SSH2: variants seen among roughly 807,000 people sequenced by gnomAD.
The protein encoded by SSH2 is protein phosphatase Slingshot homolog 2.
In SSH2, 37 loss-of-function variants were observed where a neutral mutation model predicts 135.2. The observed-to-expected ratio is 0.27, with a 90% CI of 0.21 to 0.36. The LOEUF is 0.36. SSH2 is among the 10% of genes least tolerant of loss of function. The probability of loss-of-function intolerance (pLI) is 1.00; values close to 1 mark genes in which losing one functional copy is unlikely to be tolerated. For synonymous variants in SSH2, 628 were observed against 646.2 expected, an observed-to-expected ratio of 0.97 and a Z score of 0.43; for missense variants, 1,408 against 1,765.3, an observed-to-expected ratio of 0.80 and a Z score of 3.63.
intron 1 of SSH2, among the ~76,000 whole-genome samples, chr17:29,919,932 G>A (rs957116876): frequency 6.6e-5 from 10 of 152,006 alleles, no homozygotes; most frequent in African/African-American, 1.5e-4. Context: ...TTTCTGAGAC[G>A]GAGTTTCCCT....
chr17:29,733,090 A>G (rs1380507044), intron 3 of SSH2, among the ~76,000 whole-genome samples: 1 of 152,232 alleles, frequency 6.6e-6, no homozygotes, highest in Non-Finnish European at 1.5e-5. Context: ...TCTAGCTGGG[A>G]AGAGTCTTCC....
At chr17:29,784,466 G>C (rs960526962) in intron 3 of SSH2, among the ~76,000 whole-genome samples, 6 of 151,676 alleles carry the variant, frequency 4.0e-5, no homozygotes, top group African/African-American at 2.4e-5. Flanking sequence ...GTGTGGTGAC[G>C]GGTGCCTGTA....
chr17:29,671,367 C>T (rs3098950), intron 9 of SSH2, among the ~76,000 whole-genome samples: 84,928 of 151,816 alleles, frequency 0.56, 24,172 homozygotes, highest in East Asian at 0.68. Context: ...CCTGTAGTCC[C>T]AGGTACTTTG....
chr17:29,771,796 G>A (rs970004694), intron 3 of SSH2, among the ~76,000 whole-genome samples: 3 of 152,184 alleles, frequency 2.0e-5, no homozygotes, highest in African/African-American at 7.2e-5. Context: ...CAAGTTTCCA[G>A]GCCCTGGCAG....
At chr17:29,645,288 A>G (rs2036326273) in intron 14 of SSH2, 1 of 152,190 alleles carries the variant, frequency 6.6e-6, no homozygotes, top group Admixed American at 6.5e-5. Context: ...CAGGAATGGA[A>G]ACCAGATCTA....
chr17:29,791,300 G>A (rs1283594390), intron 3 of SSH2, among the ~76,000 whole-genome samples: 1 of 151,970 alleles, frequency 6.6e-6, no homozygotes, highest in Non-Finnish European at 1.5e-5. Context: ...TGGCCAGGTT[G>A]CTCTTGAACT....
intron 3 of SSH2, among the ~76,000 whole-genome samples, chr17:29,745,818 A>T (rs2040740870): frequency 8.9e-6 from 1 of 112,686 alleles, no homozygotes; most frequent in Admixed American, 8.4e-5. Flanking sequence ...GTTCCATTTT[A>T]CTGATGAGGA....
At chr17:29,793,777 T>C (rs185923267) in intron 3 of SSH2, 117 bp downstream of exon 3, 160 of 852,884 alleles carry the variant, frequency 1.9e-4, no homozygotes, top group Admixed American at 6.1e-4. Context: ...AGGAAGCACG[T>C]TGAAAAACAA....
intron 3 of SSH2, among the ~76,000 whole-genome samples, chr17:29,753,810 G>T (rs1203990375): frequency 7.8e-6 from 1 of 127,670 alleles, no homozygotes; most frequent in Non-Finnish European, 1.7e-5. Context: ...AAAAAAAAAA[G>T]AACAAATTGG....
At chr17:29,687,348 C>T (rs996661151) in intron 5 of SSH2, among the ~76,000 whole-genome samples, 1 of 152,100 alleles carries the variant, frequency 6.6e-6, no homozygotes, top group African/African-American at 2.4e-5. Flanking sequence ...CTAATAAGAA[C>T]GGATATAACA....
At chr17:29,703,227 C>T (rs2039060010) in intron 3 of SSH2, among the ~76,000 whole-genome samples, 165 bp from the exon 4 acceptor site, 1 of 152,160 alleles carries the variant, frequency 6.6e-6, no homozygotes, top group Non-Finnish European at 1.5e-5. Flanking sequence ...CTCATACGCT[C>T]CTGTCTACTC....
intron 1 of SSH2, among the ~76,000 whole-genome samples, chr17:29,849,354 C>T (rs2065505480): frequency 6.6e-6 from 1 of 151,968 alleles, no homozygotes; most frequent in African/African-American, 2.4e-5. Context: ...TGGCCGGTGC[C>T]TGTAGTCCCA....
At chr17:29,813,714 A>T (rs553453352) in intron 2 of SSH2, among the ~76,000 whole-genome samples, 3 of 152,012 alleles carry the variant, frequency 2.0e-5, no homozygotes, top group African/African-American at 7.2e-5. Flanking sequence ...GCTACTTGGG[A>T]GGCTGAGGCA....
At chr17:29,748,546 T>C (rs1369947663) in intron 3 of SSH2, among the ~76,000 whole-genome samples, 1 of 152,116 alleles carries the variant, frequency 6.6e-6, no homozygotes, top group Admixed American at 6.5e-5. Flanking sequence ...CCTTAAACCA[T>C]AAATGAATGC....
At chr17:29,786,402 G>C (rs1238115614) in intron 3 of SSH2, among the ~76,000 whole-genome samples, 1 of 152,176 alleles carries the variant, frequency 6.6e-6, no homozygotes, top group East Asian at 1.9e-4. Flanking sequence ...GAAGGAACCA[G>C]CAGGAATTCT....
At chr17:29,679,697 C>A (rs187016169) in intron 6 of SSH2, among the ~76,000 whole-genome samples, 1 of 152,178 alleles carries the variant, frequency 6.6e-6, no homozygotes, top group Non-Finnish European at 1.5e-5. Context: ...TGAGCCACCG[C>A]GCCCAGCAAC....
intron 3 of SSH2, among the ~76,000 whole-genome samples, chr17:29,704,114 T>A (rs891920816): frequency 6.6e-6 from 1 of 152,188 alleles, no homozygotes; most frequent in Non-Finnish European, 1.5e-5. Context: ...TATTAGTTAT[T>A]ATAAGTAGAT....
chr17:29,842,973 T>A (rs983649875), intron 2 of SSH2, among the ~76,000 whole-genome samples: 4 of 152,160 alleles, frequency 2.6e-5, no homozygotes, highest in African/African-American at 9.7e-5. Context: ...AAATTTCCCT[T>A]TTTCCCCCCT....
chr17:29,890,231 C>T (rs1770683223), intron 1 of SSH2, among the ~76,000 whole-genome samples: 1 of 152,094 alleles, frequency 6.6e-6, no homozygotes, highest in African/African-American at 2.4e-5. Flanking sequence ...TAAAATGGTG[C>T]AGCTGCTGTG....
Sources: gnomAD v4.1 joint callset for allele counts (sites outside exome capture counted in the v4.1 genomes callset) on GRCh38, gnomAD v4.1.1 for gene constraint, MANE v1.5 for transcripts, NCBI Gene and HGNC (gene_info 2026-07-23, HGNC 2026-07-21) for gene names.